Variants in ARHGEF10 observed in about 807,000 individuals in gnomAD.
The protein encoded by ARHGEF10 is Rho guanine nucleotide exchange factor (GEF) 10.
ARHGEF10 carries 140 observed loss-of-function variants against 147.4 expected under a neutral mutation model. That is an observed-to-expected ratio of 0.95 (90% CI 0.83 to 1.09). The LOEUF (loss-of-function observed/expected upper bound fraction) is 1.09. Among genes scored for constraint, ARHGEF10 ranks in the 50% least tolerant of loss-of-function variants. The probability of loss-of-function intolerance (pLI) is 0.00; values close to 1 mark genes in which losing one functional copy is unlikely to be tolerated. For synonymous variants in ARHGEF10, 902 were observed against 695.8 expected (o/e 1.30, Z -4.67); for missense variants, 2,222 against 1,752.7 (o/e 1.27, Z -4.78).
rs1269974681 is a variant in ARHGEF10 at position 1,869,179 on chromosome 8, C to T, written c.623-15C>T. On this transcript the variant is annotated splice_polypyrimidine_tract_variant and intron_variant, in intron 6 of 28. Transcript: ENST00000349830. ...GTTGGTCACTGTTTAAAGTGTTTCT[C>T]CCCGTTTATTGCAGATCCAGAGGAA... 1 of 1,611,618 alleles carries T rather than the reference C, an allele frequency of 6.2e-7. No homozygotes were observed. Among genetic ancestry groups the T allele is most frequent in the Non-Finnish European group, 8.5e-7 (1 of 1,177,648 alleles).
intron 2 of ARHGEF10, among the ~76,000 whole-genome samples, chr8:1,849,989 C>G (rs1277632915): frequency 9.9e-5 from 7 of 70,862 alleles, no homozygotes; most frequent in Admixed American, 2.5e-4. Flanking sequence ...TGCATGGACA[C>G]AGAGGGCAAA....
intron 12 of ARHGEF10, 50 bp from the exon 13 acceptor site, chr8:1,894,343 C>T (rs766286070): frequency 1.2e-6 from 2 of 1,604,002 alleles, no homozygotes; most frequent in South Asian, 1.1e-5. Context: ...AAACAAGACC[C>T]AGGCTCTGAA....
intron 9 of ARHGEF10, among the ~76,000 whole-genome samples, chr8:1,881,534 G>T (rs1808194201): frequency 6.6e-6 from 1 of 152,096 alleles, no homozygotes. Context: ...ATGGTCCCAT[G>T]TGGGGTTGGG....
At chr8:1,839,296 C>A (rs377443521) in intron 1 of ARHGEF10, among the ~76,000 whole-genome samples, 1 of 142,612 alleles carries the variant, frequency 7.0e-6, no homozygotes, top group Non-Finnish European at 1.5e-5. Context: ...GGTGTGGGTA[C>A]TGTCCGGTGT....
At position 1,858,293 on chromosome 8, in the gene ARHGEF10, A is replaced by G. The variant is rs62477517; in HGVS notation, c.193+178A>G. Reference sequence around the variant, plus strand: ...CCAGGTGAGTCCGCAGATCACCGGCATCAGGGTCACCTGTGCTCAGCCATC... The same window carrying G: ...CCAGGTGAGTCCGCAGATCACCGGCGTCAGGGTCACCTGTGCTCAGCCATC... On this transcript the variant is annotated intron_variant, in intron 3 of 28. Transcript: ENST00000349830. Among the ~76,000 whole-genome samples, 47,166 of 151,572 alleles carry G rather than the reference A, an allele frequency of 0.31. 7,472 individuals carry two copies. The highest frequency in any genetic ancestry group is 0.44 in the South Asian group (2,122 of 4,792).
rs1354077328 is a variant in ARHGEF10, at chr8:1,909,455, G to C, written c.2128G>C (p.Ala710Pro). 2 of 1,614,080 alleles carry C rather than the reference G, an allele frequency of 1.2e-6. No individual in the cohort carries two copies. Among genetic ancestry groups the C allele is most frequent in the Non-Finnish European group, 1.7e-6 (2 of 1,180,042 alleles). ...CCCGCCGGAGAGCCTGGCCGTGGTTGCTAACGCGAAACCAAGTAAGTGATG... is the reference window on the plus strand; with the variant it reads ...CCCGCCGGAGAGCCTGGCCGTGGTTCCTAACGCGAAACCAAGTAAGTGATG... ...VHPPESLAVV[A>P]NAKPNKVYMG... is the part of the protein sequence containing the mutation. The change falls in exon 18 of 29, where the codon GCT becomes CCT. Residue 710 changes from alanine (A) to proline (P), a missense_variant. Ala to Pro is a conservative substitution (Grantham distance 27). Coordinates refer to ENST00000349830, the MANE Select transcript of ARHGEF10 (RefSeq NM_014629.4).
At chr8:1,887,983 G>A (rs1180755956) in intron 11 of ARHGEF10, among the ~76,000 whole-genome samples, 4 of 148,278 alleles carry the variant, frequency 2.7e-5, no homozygotes, top group African/African-American at 9.9e-5. Flanking sequence ...TGGGGTGAGA[G>A]TTGTGAAGAG....
At chr8:1,855,423 C>T (rs1252790035) in intron 2 of ARHGEF10, among the ~76,000 whole-genome samples, 3 of 152,132 alleles carry the variant, frequency 2.0e-5, no homozygotes, top group Non-Finnish European at 4.4e-5. Context: ...GCTCTGTCCC[C>T]CAGGCTGCAG....
intron 1 of ARHGEF10, among the ~76,000 whole-genome samples, chr8:1,834,035 GCTGC>G (rs905937948): frequency 6.6e-6 from 1 of 152,206 alleles, no homozygotes; most frequent in Non-Finnish European, 1.5e-5. Flanking sequence ...GCAGGGCTGG[GCTGC>G]CTGCTGCGAC....
intron 9 of ARHGEF10, among the ~76,000 whole-genome samples, chr8:1,881,035 G>C (rs904548521): frequency 6.6e-6 from 1 of 152,206 alleles, no homozygotes; most frequent in African/African-American, 2.4e-5. Flanking sequence ...TTTCTGAGGA[G>C]TGGAGGGCGC....
chr8:1,920,605 G>T (rs1006445874), intron 18 of ARHGEF10, among the ~76,000 whole-genome samples: 1 of 151,894 alleles, frequency 6.6e-6, no homozygotes, highest in Non-Finnish European at 1.5e-5. Flanking sequence ...TGACATTATA[G>T]GCATCAGTTA....
In ARHGEF10 at chr8:1,879,802, C is replaced by G. The variant is rs576541152; in HGVS notation, c.844-246C>G. On this transcript the variant is annotated intron_variant, in intron 8 of 28. Coordinates refer to ENST00000349830, the MANE Select transcript of ARHGEF10 (RefSeq NM_014629.4). ...TCCTGAGCTCAATTGATCCTCCCAC[C>G]TCCGCCTCCTAAAGTGCTGGGATTA... Among the ~76,000 whole-genome samples, 3 of 152,184 alleles carry G rather than the reference C, an allele frequency of 2.0e-5. No individual in the cohort carries two copies. The South Asian group carries it at 6.2e-4, about 32-fold the overall frequency.
intron 1 of ARHGEF10, among the ~76,000 whole-genome samples, chr8:1,840,456 A>C (rs2129048042): frequency 7.7e-6 from 1 of 130,308 alleles, no homozygotes; most frequent in East Asian, 2.6e-4. Context: ...CCGGTGTGGA[A>C]GCTGTCCGGT....
intron 7 of ARHGEF10, among the ~76,000 whole-genome samples, chr8:1,872,211 C>T (rs953276113): frequency 6.6e-6 from 1 of 151,956 alleles, no homozygotes; most frequent in Non-Finnish European, 1.5e-5. Flanking sequence ...GAAGAATCAA[C>T]TATACCCAAA....
At chr8:1,826,649 A>C (rs1474021016) in intron 1 of ARHGEF10, among the ~76,000 whole-genome samples, 3 of 152,202 alleles carry the variant, frequency 2.0e-5, no homozygotes, top group African/African-American at 7.2e-5. Flanking sequence ...AATTAGAGCA[A>C]ACTGGAAATG....
At chr8:1,881,453 C>T (rs1474631159) in intron 9 of ARHGEF10, among the ~76,000 whole-genome samples, 1 of 152,166 alleles carries the variant, frequency 6.6e-6, no homozygotes, top group African/African-American at 2.4e-5. Context: ...CGCAGGCGGG[C>T]AGGGCTGTCT....
intron 11 of ARHGEF10, among the ~76,000 whole-genome samples, chr8:1,886,752 G>T (rs1585394684): frequency 1.3e-5 from 2 of 152,188 alleles, no homozygotes; most frequent in East Asian, 1.9e-4. Flanking sequence ...TGCCATCCTT[G>T]TGTACTCTGT....
intron 18 of ARHGEF10, among the ~76,000 whole-genome samples, chr8:1,912,641 G>A (rs557526614): frequency 4.4e-5 from 6 of 137,668 alleles, no homozygotes; most frequent in African/African-American, 1.6e-4. Context: ...TTATGATGTG[G>A]CACTTTCCTC....
chr8:1,956,724 G>A (rs921494443), intron 28 of ARHGEF10, 25 bp from the exon 29 acceptor site: 4 of 1,613,458 alleles, frequency 2.5e-6, no homozygotes, highest in Non-Finnish European at 3.4e-6. Context: ...TTAAAAGACA[G>A]CTGTTGAACT....
Sources: allele counts gnomAD v4.1 joint callset (sites outside exome capture counted in the v4.1 genomes callset), GRCh38; gene constraint gnomAD v4.1.1; transcripts MANE v1.5; gene names NCBI Gene and HGNC (gene_info 2026-07-23, HGNC 2026-07-21).